The following TSGA10 variants were observed in gnomAD, a reference collection of about 807,000 sequenced individuals.
TSGA10 encodes the protein testis specific 10.
In TSGA10, 43 loss-of-function variants were observed where a neutral mutation model predicts 96.6. That is an observed-to-expected ratio of 0.44 (90% CI 0.35 to 0.57). The LOEUF is 0.57. TSGA10 is among the 20% of genes least tolerant of loss of function. The probability of loss-of-function intolerance (pLI) is 0.01; values close to 1 mark genes in which losing one functional copy is unlikely to be tolerated. For missense variants in TSGA10, 703 were observed against 834.4 expected (o/e 0.84, Z 1.94); for synonymous variants, 229 against 269.9 (o/e 0.85, Z 1.48).
intron 2 of TSGA10, among the ~76,000 whole-genome samples, chr2:99,120,129 C>G (rs922619757): frequency 2.0e-5 from 3 of 152,154 alleles, no homozygotes; most frequent in African/African-American, 7.2e-5. Flanking sequence ...ACTTAAAAGA[C>G]TGTATTGTCT....
chr2:99,114,291 A>G (rs1417350890), intron 4 of TSGA10, among the ~76,000 whole-genome samples: 1 of 152,190 alleles, frequency 6.6e-6, no homozygotes, highest in Non-Finnish European at 1.5e-5. Flanking sequence ...CCTAAAATGC[A>G]TATCTAATGT....
rs189800610 is a variant in TSGA10, at chr2:99,016,555, T to C, written c.2072+1645A>G. Among the ~76,000 whole-genome samples, 46 of 152,240 alleles carry C rather than the reference T, an allele frequency of 3.0e-4. 1 individual carries two copies. In the East Asian group the frequency reaches 8.3e-3, roughly 27 times the overall value. On this transcript the variant is annotated intron_variant, in intron 20 of 20. Coordinates refer to ENST00000393483, the MANE Select transcript of TSGA10 (RefSeq NM_025244.4). ...CCATAAAAATTCTAGAAGATAACAT[T>C]GGTAAAAGTCTTCTGAACTTTGGCT...
chr2:99,091,120 C>T (rs1272833422), intron 10 of TSGA10, among the ~76,000 whole-genome samples: 2 of 152,192 alleles, frequency 1.3e-5, no homozygotes, highest in Non-Finnish European at 2.9e-5. Flanking sequence ...GTCCTATCTT[C>T]AGCCTCCTTA....
At chr2:99,075,081 G>A (rs2086536199) in intron 12 of TSGA10, among the ~76,000 whole-genome samples, 1 of 151,702 alleles carries the variant, frequency 6.6e-6, no homozygotes. Context: ...AAGTATCCAG[G>A]GCAACAAAAT....
In TSGA10 at chr2:99,035,392, A is replaced by G. The variant is rs1490210087; in HGVS notation, c.1452T>C (p.His484=). 1 of 1,612,752 alleles carries G rather than the reference A, an allele frequency of 6.2e-7. No individual in the cohort carries two copies. The highest frequency in any genetic ancestry group is 1.7e-5 in the Admixed American group (1 of 60,002). The change falls in exon 17 of 21, where the codon CAT becomes CAC. Residue 484 remains histidine (H), a synonymous_variant. Coordinates refer to ENST00000393483, the MANE Select transcript of TSGA10 (RefSeq NM_025244.4). ...RSYKSQISTL[H]KSVVKMEEEL... is the part of the protein sequence containing the mutation. ...CCTCTTCCATTTTTACAACAGATTT[A>G]TGTAAGGTAGAAATCTGGGACTTGT...
chr2:99,108,517 G>C (rs996370608), intron 7 of TSGA10, among the ~76,000 whole-genome samples: 6 of 152,000 alleles, frequency 3.9e-5, no homozygotes, highest in African/African-American at 1.4e-4. Context: ...AAAAAGGTCA[G>C]GATTTGATCT....
intron 17 of TSGA10, among the ~76,000 whole-genome samples, chr2:99,029,338 T>A (rs1041520734): frequency 6.6e-6 from 1 of 152,146 alleles, no homozygotes; most frequent in Non-Finnish European, 1.5e-5. Context: ...AGATATGGTA[T>A]TAATTTAGAG....
At chr2:99,054,327 A>C (rs11900780) in intron 16 of TSGA10, among the ~76,000 whole-genome samples, 2,071 of 152,286 alleles carry the variant, frequency 0.014, 36 homozygotes, top group African/African-American at 0.047. Flanking sequence ...GAGAAGAATG[A>C]GATTGGACCC....
chr2:99,077,862 T>G (rs979094239), intron 12 of TSGA10, among the ~76,000 whole-genome samples: 1 of 151,878 alleles, frequency 6.6e-6, no homozygotes, highest in Non-Finnish European at 1.5e-5. Context: ...GCACCCGGCC[T>G]GCACGCGGCC....
chr2:99,102,543 C>G, intron 10 of TSGA10: 2 of 1,614,146 alleles, frequency 1.2e-6, no homozygotes, highest in Non-Finnish European at 1.7e-6. Flanking sequence ...TGACCAGGCT[C>G]TGGATGCTCA....
intron 14 of TSGA10, among the ~76,000 whole-genome samples, chr2:99,070,333 A>C (rs1468074997): frequency 1.3e-5 from 2 of 152,116 alleles, no homozygotes; most frequent in Non-Finnish European, 2.9e-5. Context: ...ATATGATCAC[A>C]CACGCAGAGA....
chr2:99,099,729 A>G (rs2090479995), intron 10 of TSGA10, among the ~76,000 whole-genome samples: 1 of 152,216 alleles, frequency 6.6e-6, no homozygotes, highest in African/African-American at 2.4e-5. Context: ...CACATATAAC[A>G]AGGCAAGAAA....
At chr2:99,147,573 A>T (rs2093645347) in intron 1 of TSGA10, 1 of 1,180,784 alleles carries the variant, frequency 8.5e-7, no homozygotes, top group African/African-American at 1.5e-5. Context: ...TTTAATGTGC[A>T]AATTGATAAT....
chr2:99,121,912 T>A (rs998154936), intron 2 of TSGA10, among the ~76,000 whole-genome samples: 2 of 152,360 alleles, frequency 1.3e-5, no homozygotes, highest in Admixed American at 6.5e-5. Flanking sequence ...CATAGTTTTA[T>A]GTTTTACATT....
At chr2:99,086,779 AAAG>A (rs1198698918) in intron 10 of TSGA10, among the ~76,000 whole-genome samples, 1 of 152,202 alleles carries the variant, frequency 6.6e-6, no homozygotes, top group African/African-American at 2.4e-5. Flanking sequence ...TAAGATTAGA[AAAG>A]AAGCAAAACT....
At position 98,997,441 on chromosome 2, in the gene TSGA10, T is replaced by C. The variant is rs1424543135; in HGVS notation, c.*756A>G. The C allele has an allele frequency of 6.6e-6, 1 of 152,018 alleles. No homozygotes were observed. Among genetic ancestry groups the C allele is most frequent in the Non-Finnish European group, 1.5e-5 (1 of 67,942 alleles). 9.4% of individuals were successfully genotyped at this position (152,018 alleles called of 1,614,324 possible). On this transcript the variant is annotated 3_prime_UTR_variant, in exon 21 of 21. Transcript: ENST00000393483. ...ACATCACTTATCTTATTACTCCAGA[T>C]TACAGACAGCTGCCACAGACAATAA... is the stretch of plus-strand genomic sequence containing the variant.
intron 20 of TSGA10, among the ~76,000 whole-genome samples, chr2:99,003,563 T>C (rs547806505): frequency 7.2e-4 from 110 of 152,282 alleles, no homozygotes; most frequent in African/African-American, 2.4e-3. Flanking sequence ...AAGCACTCCT[T>C]AGCAAATGTG....
chr2:99,101,984 A>C, intron 10 of TSGA10: 1 of 970,170 alleles, frequency 1.0e-6, no homozygotes, highest in Non-Finnish European at 1.7e-6. Flanking sequence ...TCTTACATTT[A>C]ACAATACCGG....
intron 16 of TSGA10, among the ~76,000 whole-genome samples, chr2:99,054,478 TC>T (rs1558863399): frequency 1.3e-5 from 2 of 152,220 alleles, no homozygotes; most frequent in Middle Eastern, 3.4e-3. Context: ...TGGATATAAT[TC>T]CAAAAGCATA....
Sources: allele counts gnomAD v4.1 joint callset (sites outside exome capture counted in the v4.1 genomes callset), GRCh38; gene constraint gnomAD v4.1.1; transcripts MANE v1.5; gene names NCBI Gene and HGNC (gene_info 2026-07-23, HGNC 2026-07-21).